The following SLC44A5 variants were observed in gnomAD, a reference collection of about 807,000 sequenced individuals.
The protein encoded by SLC44A5 is choline transporter-like protein 5.
In SLC44A5, 57 loss-of-function variants were observed where a neutral mutation model predicts 101.8. That is an observed-to-expected ratio of 0.56 (90% CI 0.45 to 0.70). The LOEUF (loss-of-function observed/expected upper bound fraction) is 0.70. Ranked by LOEUF, SLC44A5 falls within the 30% of genes least tolerant of loss-of-function variation. SLC44A5 has a pLI of 0.00. For synonymous variants in SLC44A5, 281 were observed against 290.9 expected (o/e 0.97, Z 0.35); for missense variants, 737 against 853.1 (o/e 0.86, Z 1.70).
chr1:75,676,604 C>T, the SLC44A5 span, among the ~76,000 whole-genome samples: 1 of 152,122 alleles, frequency 6.6e-6, no homozygotes, highest in Non-Finnish European at 1.5e-5. Flanking sequence ...GGCTTTATAA[C>T]AGGAGATAGA....
At chr1:75,434,175 G>A (rs932232086) in intron 2 of SLC44A5, among the ~76,000 whole-genome samples, 32 of 151,956 alleles carry the variant, frequency 2.1e-4, no homozygotes, top group African/African-American at 7.0e-4. Flanking sequence ...CATCCTCCTG[G>A]TTACATAGTT....
At chr1:75,563,074 T>C (rs764438257) in intron 1 of SLC44A5, among the ~76,000 whole-genome samples, 5 of 152,172 alleles carry the variant, frequency 3.3e-5, no homozygotes, top group Non-Finnish European at 7.4e-5. Flanking sequence ...ATAGATTACA[T>C]ATATCTTAAT....
the SLC44A5 span, among the ~76,000 whole-genome samples, chr1:75,697,423 G>A: frequency 1.3e-5 from 2 of 152,110 alleles, no homozygotes; most frequent in African/African-American, 2.4e-5. Context: ...ATAATCAGAA[G>A]GTATAAGAAT....
At chr1:75,562,463 T>C (rs1672569407) in intron 1 of SLC44A5, among the ~76,000 whole-genome samples, 1 of 152,124 alleles carries the variant, frequency 6.6e-6, no homozygotes, top group Admixed American at 6.5e-5. Flanking sequence ...TTTGGGAGGC[T>C]GAGGTAGGCA....
chr1:75,439,173 G>T (rs1244440469), intron 2 of SLC44A5, among the ~76,000 whole-genome samples: 1 of 152,000 alleles, frequency 6.6e-6, no homozygotes, highest in East Asian at 1.9e-4. Flanking sequence ...ATAAAAGAAT[G>T]AGTTCAGACC....
chr1:75,686,066 C>T, the SLC44A5 span, among the ~76,000 whole-genome samples: 1 of 152,218 alleles, frequency 6.6e-6, no homozygotes, highest in South Asian at 2.1e-4. Context: ...AACCCATTCA[C>T]TATCACAAAA....
intron 23 of SLC44A5, chr1:75,205,348 A>T (rs1420386780): frequency 6.6e-6 from 1 of 152,228 alleles, no homozygotes. Context: ...ATCCTTATAT[A>T]CAAGTTTAAG....
chr1:75,588,975 T>C (rs1385247868), intron 1 of SLC44A5, among the ~76,000 whole-genome samples: 1 of 152,140 alleles, frequency 6.6e-6, no homozygotes, highest in Non-Finnish European at 1.5e-5. Flanking sequence ...CAAAGAGAAA[T>C]GCCAGAGTTT....
intron 5 of SLC44A5, 84 bp from the exon 6 acceptor site, chr1:75,275,126 G>T: frequency 1.1e-6 from 1 of 897,374 alleles, no homozygotes; most frequent in South Asian, 1.4e-5. Context: ...ATGCACCACT[G>T]CAACACACTA....
At chr1:75,311,965 G>T (rs1655335776) in intron 4 of SLC44A5, among the ~76,000 whole-genome samples, 1 of 152,088 alleles carries the variant, frequency 6.6e-6, no homozygotes, top group South Asian at 2.1e-4. Context: ...ATATGGTTTG[G>T]CTGTGTCCCC....
intron 2 of SLC44A5, among the ~76,000 whole-genome samples, chr1:75,501,133 A>G (rs1213543929): frequency 6.6e-6 from 1 of 152,108 alleles, no homozygotes; most frequent in Non-Finnish European, 1.5e-5. Context: ...ATCACTTCAG[A>G]AGAGAAGATT....
intron 6 of SLC44A5, among the ~76,000 whole-genome samples, chr1:75,271,746 T>C (rs2100734670): frequency 6.6e-6 from 1 of 152,256 alleles, no homozygotes; most frequent in East Asian, 1.9e-4. Flanking sequence ...TTCCATATCC[T>C]TGCAATTGTG....
At chr1:75,470,446 G>A (rs957590048) in intron 2 of SLC44A5, among the ~76,000 whole-genome samples, 8 of 152,188 alleles carry the variant, frequency 5.3e-5, no homozygotes, top group African/African-American at 1.9e-4. Context: ...GAGCTCTTCT[G>A]TAACATAACG....
chr1:75,443,387 C>G (rs1665319623), intron 2 of SLC44A5, among the ~76,000 whole-genome samples: 1 of 151,440 alleles, frequency 6.6e-6, no homozygotes, highest in South Asian at 2.1e-4. Flanking sequence ...AAAGAAAACA[C>G]AAATAAATGG....
At chr1:75,478,579 A>C (rs369603536) in intron 2 of SLC44A5, among the ~76,000 whole-genome samples, 1,527 of 152,104 alleles carry the variant, frequency 0.01, 5 homozygotes, top group Middle Eastern at 0.02. Flanking sequence ...AATGGAAAAC[A>C]AAAAAAGGCA....
rs114699787 is a variant in SLC44A5 at position 75,400,676 on chromosome 1, T to C, written c.14-4055A>G. Among the ~76,000 whole-genome samples the C allele has an allele frequency of 9.3e-3, 1,417 of 152,282 alleles. 24 individuals are homozygous for C. The highest frequency in any genetic ancestry group is 0.033 in the African/African-American group (1,352 of 41,560). On this transcript the variant is annotated intron_variant, in intron 2 of 23. Coordinates refer to ENST00000370859, the MANE Select transcript of SLC44A5 (RefSeq NM_001130058.2). ...AGTCTGGGCTTCTGCCTTAGTTGCT[T>C]TGCCCAGGGCTCCATTCCCCTTTCC...
intron 1 of SLC44A5, among the ~76,000 whole-genome samples, chr1:75,605,253 T>C (rs1195091222): frequency 6.6e-6 from 1 of 152,092 alleles, no homozygotes; most frequent in Non-Finnish European, 1.5e-5. Flanking sequence ...TTTTTGATTC[T>C]ACAAGAAAAT....
intron 2 of SLC44A5, among the ~76,000 whole-genome samples, chr1:75,416,174 T>C (rs1441541886): frequency 6.6e-6 from 1 of 152,048 alleles, no homozygotes; most frequent in Non-Finnish European, 1.5e-5. Context: ...GATGAAAAAG[T>C]TGTTTCATGG....
intron 3 of SLC44A5, among the ~76,000 whole-genome samples, chr1:75,349,143 A>G (rs998386327): frequency 6.6e-6 from 1 of 152,114 alleles, no homozygotes; most frequent in Non-Finnish European, 1.5e-5. Context: ...AGAGGTCAGG[A>G]GTTCTAGACA....
Sources: gnomAD v4.1 joint callset for allele counts (sites outside exome capture counted in the v4.1 genomes callset) on GRCh38, gnomAD v4.1.1 for gene constraint, MANE v1.5 for transcripts, NCBI Gene and HGNC (gene_info 2026-07-23, HGNC 2026-07-21) for gene names.